Variants in CLNK observed in about 807,000 individuals in gnomAD.
CLNK encodes cytokine-dependent hematopoietic cell linker.
In CLNK, 74 loss-of-function variants were observed where a neutral mutation model predicts 68.6. The observed-to-expected ratio is 1.08, with a 90% CI of 0.89 to 1.31. The LOEUF (loss-of-function observed/expected upper bound fraction) is 1.31, where lower values mean the gene tolerates loss of function less well. CLNK is among the 50% of genes most tolerant of loss of function. The pLI, the probability that CLNK is intolerant of heterozygous loss-of-function variation, is 0.00. For missense variants in CLNK, 553 were observed against 515.3 expected, an observed-to-expected ratio of 1.07 and a Z score of -0.71; for synonymous variants, 198 against 172.2, an observed-to-expected ratio of 1.15 and a Z score of -1.17.
intron 3 of CLNK, among the ~76,000 whole-genome samples, chr4:10,594,611 T>TA (rs975358343): frequency 4.2e-4 from 64 of 152,280 alleles, no homozygotes; most frequent in African/African-American, 1.5e-3. Flanking sequence ...GCCTCACTGT[T>TA]ATAGATGTGG....
intron 2 of CLNK, among the ~76,000 whole-genome samples, chr4:10,629,399 A>G (rs1722799575): frequency 6.6e-6 from 1 of 152,072 alleles, no homozygotes; most frequent in Non-Finnish European, 1.5e-5. Context: ...AAGAGAGGGG[A>G]GGCAGGCTCC....
the CLNK span, among the ~76,000 whole-genome samples, chr4:10,713,732 C>A: frequency 2.6e-5 from 4 of 152,162 alleles, no homozygotes; most frequent in East Asian, 3.9e-4. Flanking sequence ...CATGTGAAAG[C>A]GTGTTGTTAA....
chr4:10,711,123 G>A, the CLNK span, among the ~76,000 whole-genome samples: 607 of 152,268 alleles, frequency 4.0e-3, 8 homozygotes, highest in African/African-American at 0.013. Context: ...GATGCAGAAC[G>A]TGTAAGCAGC....
intron 2 of CLNK, among the ~76,000 whole-genome samples, chr4:10,654,382 T>TAA (rs1491352727): frequency 8.9e-6 from 1 of 112,096 alleles, no homozygotes; most frequent in Non-Finnish European, 2.1e-5. Context: ...ATATATTGAT[T>TAA]AAATATATAT....
At chr4:10,697,928 T>C in the CLNK span, among the ~76,000 whole-genome samples, 803 of 152,306 alleles carry the variant, frequency 5.3e-3, 8 homozygotes, top group African/African-American at 0.019. Context: ...ATACTAATCT[T>C]CATCCTCTCC....
intron 2 of CLNK, among the ~76,000 whole-genome samples, chr4:10,642,256 T>C (rs1351070609): frequency 2.0e-5 from 3 of 152,166 alleles, no homozygotes; most frequent in Non-Finnish European, 2.9e-5. Context: ...CTGCCACATG[T>C]CTGACAAGTC....
chr4:10,530,394 A>G (rs959662699), intron 12 of CLNK, among the ~76,000 whole-genome samples: 1 of 152,236 alleles, frequency 6.6e-6, no homozygotes, highest in African/African-American at 2.4e-5. Flanking sequence ...CACTGAGCGC[A>G]GGCACAAGCA....
intron 3 of CLNK, among the ~76,000 whole-genome samples, chr4:10,587,795 C>T (rs1216699349): frequency 6.6e-6 from 1 of 152,320 alleles, no homozygotes; most frequent in African/African-American, 2.4e-5. Flanking sequence ...TGACACCAGC[C>T]TATCTGCCTC....
At chr4:10,525,138 C>T (rs1282365942) in intron 14 of CLNK, among the ~76,000 whole-genome samples, 2 of 152,156 alleles carry the variant, frequency 1.3e-5, no homozygotes, top group South Asian at 4.2e-4. Context: ...CATCTTGGCT[C>T]ACTGCTAGCT....
chr4:10,658,594 T>G (rs1167605477), intron 2 of CLNK, among the ~76,000 whole-genome samples: 2 of 152,166 alleles, frequency 1.3e-5, no homozygotes, highest in Non-Finnish European at 2.9e-5. Context: ...CCAGCCTCCC[T>G]ATCTCCCCAA....
chr4:10,534,194 G>A (rs1000137020), intron 11 of CLNK, among the ~76,000 whole-genome samples: 19 of 152,210 alleles, frequency 1.2e-4, no homozygotes, highest in African/African-American at 4.1e-4. Flanking sequence ...AGGAAAGCTC[G>A]GGTTTGGAAT....
the CLNK span, among the ~76,000 whole-genome samples, chr4:10,706,337 G>T: frequency 6.6e-6 from 1 of 152,120 alleles, no homozygotes; most frequent in African/African-American, 2.4e-5. Flanking sequence ...GGGATTTATT[G>T]GGGGAAATTT....
At chr4:10,728,796 C>A in the CLNK span, among the ~76,000 whole-genome samples, 2 of 151,878 alleles carry the variant, frequency 1.3e-5, no homozygotes, top group Non-Finnish European at 2.9e-5. Flanking sequence ...GGGGTTTCGC[C>A]ATGTTAGTTA....
chr4:10,501,179 C>T, intron 18 of CLNK, 77 bp downstream of exon 18: 1 of 1,427,580 alleles, frequency 7.0e-7, no homozygotes, highest in South Asian at 1.5e-5. Flanking sequence ...CCTCTTCCTC[C>T]AGGGTGACAT....
upstream of CLNK, among the ~76,000 whole-genome samples, chr4:10,687,369 C>G (rs1366316705): frequency 1.3e-5 from 2 of 152,006 alleles, no homozygotes; most frequent in African/African-American, 4.8e-5. Context: ...TGAATTCAGA[C>G]CAGATTTCCT....
intron 8 of CLNK, among the ~76,000 whole-genome samples, chr4:10,542,936 T>G (rs1288707531): frequency 1.3e-5 from 2 of 152,148 alleles, no homozygotes; most frequent in Admixed American, 6.6e-5. Context: ...GGTAGTTCTA[T>G]TTCCATAATT....
chr4:10,682,099 T>C (rs990968648), intron 1 of CLNK, among the ~76,000 whole-genome samples: 1 of 148,454 alleles, frequency 6.7e-6, no homozygotes, highest in African/African-American at 2.5e-5. Flanking sequence ...GGTCCTATGA[T>C]AGCTCTATTC....
chr4:10,531,188 T>C (rs372862184), intron 12 of CLNK, among the ~76,000 whole-genome samples: 31 of 152,242 alleles, frequency 2.0e-4, no homozygotes, highest in African/African-American at 7.0e-4. Flanking sequence ...AGGCCACTTG[T>C]GTTGTTGGAC....
intron 3 of CLNK, among the ~76,000 whole-genome samples, chr4:10,590,715 T>C (rs1577151297): frequency 6.6e-6 from 1 of 152,354 alleles, no homozygotes; most frequent in East Asian, 1.9e-4. Context: ...TTCTAAGAGT[T>C]ACTCATTTTA....
Sources: gnomAD v4.1 joint callset for allele counts (sites outside exome capture counted in the v4.1 genomes callset) on GRCh38, gnomAD v4.1.1 for gene constraint, MANE v1.5 for transcripts, NCBI Gene and HGNC (gene_info 2026-07-23, HGNC 2026-07-21) for gene names.